NXPH1: variants seen among roughly 807,000 people sequenced by gnomAD.
NXPH1 encodes neurexophilin-1.
In NXPH1, 5 loss-of-function variants were observed where a neutral mutation model predicts 23.7. That is an observed-to-expected ratio of 0.21 (90% CI 0.11 to 0.44). The LOEUF is 0.44. Ranked by LOEUF, NXPH1 falls within the 20% of genes least tolerant of loss-of-function variation. The pLI, the probability that NXPH1 is intolerant of heterozygous loss-of-function variation, is 0.99. For synonymous variants in NXPH1, 144 were observed against 122.2 expected (o/e 1.18, Z -1.18); for missense variants, 324 against 321.6 (o/e 1.01, Z -0.06).
rs573670275 is a variant in NXPH1 at position 8,433,649 on chromosome 7, C to T, written c.-1217C>T. On this transcript the variant is annotated 5_prime_UTR_variant, in exon 1 of 3. Transcript: ENST00000405863. This position sits in a 1 kb window ranked among gnomAD's most constrained non-coding sequence, Gnocchi z 6.8. ...CTCGAGCTGAATGGCTGGCAGTCTG[C>T]GGCTCCCCCGCCTCCGGCCCGGCAG... Among the ~76,000 whole-genome samples the T allele has an allele frequency of 3.4e-3, 521 of 152,232 alleles. 1 individual carries two copies. The highest frequency in any genetic ancestry group is 5.0e-3 in the Non-Finnish European group (339 of 67,996).
At chr7:8,533,927 G>C (rs17150717) in intron 2 of NXPH1, among the ~76,000 whole-genome samples, 37,109 of 150,322 alleles carry the variant, frequency 0.25, 5,186 homozygotes, top group East Asian at 0.35. Context: ...GTTCACTGAC[G>C]TTGAAAATTA....
chr7:8,726,415 A>C (rs1046780640), intron 2 of NXPH1, among the ~76,000 whole-genome samples: 1 of 151,108 alleles, frequency 6.6e-6, no homozygotes, highest in East Asian at 1.9e-4. Context: ...TACATGTGCC[A>C]TGCTGGTGCG....
intron 2 of NXPH1, among the ~76,000 whole-genome samples, chr7:8,664,798 T>TC (rs1820734590): frequency 6.6e-6 from 1 of 152,156 alleles, no homozygotes; most frequent in South Asian, 2.1e-4. Flanking sequence ...CAGCATTTTT[T>TC]CATATACTTC....
At chr7:8,685,316 T>C (rs1219184168) in intron 2 of NXPH1, among the ~76,000 whole-genome samples, 3 of 151,934 alleles carry the variant, frequency 2.0e-5, no homozygotes, top group Non-Finnish European at 4.4e-5. Flanking sequence ...AATGTATCCT[T>C]TTGACTTTTA....
intron 2 of NXPH1, among the ~76,000 whole-genome samples, chr7:8,681,856 G>A (rs1375213348): frequency 6.6e-6 from 1 of 152,156 alleles, no homozygotes; most frequent in Non-Finnish European, 1.5e-5. Flanking sequence ...TCTACTATTG[G>A]GAGGTTGTAG....
At chr7:8,542,263 G>T (rs1818129728) in intron 2 of NXPH1, among the ~76,000 whole-genome samples, 1 of 151,478 alleles carries the variant, frequency 6.6e-6, no homozygotes. Context: ...AATAATTAAT[G>T]GGTAAATTCA....
chr7:8,596,343 A>C (rs981317141), intron 2 of NXPH1, among the ~76,000 whole-genome samples: 3 of 152,144 alleles, frequency 2.0e-5, no homozygotes, highest in African/African-American at 7.2e-5. Context: ...GAGTTTGGAA[A>C]GTGACAGAAT....
chr7:8,508,257 C>T (rs76989948), intron 2 of NXPH1, among the ~76,000 whole-genome samples: 132 of 152,186 alleles, frequency 8.7e-4, no homozygotes, highest in Non-Finnish European at 1.4e-3. Flanking sequence ...ACCCAACAGA[C>T]GGTCTAGACA....
intron 2 of NXPH1, among the ~76,000 whole-genome samples, chr7:8,558,800 C>T (rs1202865454): frequency 2.0e-5 from 3 of 151,640 alleles, no homozygotes; most frequent in African/African-American, 7.3e-5. Flanking sequence ...AACTGCCCAC[C>T]TTTCTTGCTT....
chr7:8,650,368 G>A (rs1393246250), intron 2 of NXPH1, among the ~76,000 whole-genome samples: 12 of 152,084 alleles, frequency 7.9e-5, no homozygotes, highest in Admixed American at 3.9e-4. Flanking sequence ...AATTAAACTA[G>A]CCTTTACCTT....
At chr7:8,538,626 C>T (rs1214568433) in intron 2 of NXPH1, among the ~76,000 whole-genome samples, 1 of 151,898 alleles carries the variant, frequency 6.6e-6, no homozygotes, top group Non-Finnish European at 1.5e-5. Flanking sequence ...TCTTAATTAT[C>T]AACTTTTCCC....
intron 2 of NXPH1, among the ~76,000 whole-genome samples, chr7:8,639,057 A>G (rs1335457772): frequency 6.6e-6 from 1 of 152,210 alleles, no homozygotes; most frequent in East Asian, 1.9e-4. Flanking sequence ...TTTTTGGCAT[A>G]GGGCAAGCAG....
intron 2 of NXPH1, among the ~76,000 whole-genome samples, chr7:8,599,553 T>C (rs1474544058): frequency 6.6e-6 from 1 of 152,174 alleles, no homozygotes; most frequent in Non-Finnish European, 1.5e-5. Context: ...TGCATTTTAA[T>C]TTAGGATTAC....
At chr7:8,468,242 C>A (rs934027981) in intron 2 of NXPH1, among the ~76,000 whole-genome samples, 2 of 151,946 alleles carry the variant, frequency 1.3e-5, no homozygotes, top group African/African-American at 4.8e-5. Context: ...TAAAGTCAGA[C>A]AAATGTCAGA....
chr7:8,656,400 G>C (rs992636145), intron 2 of NXPH1, among the ~76,000 whole-genome samples: 1 of 151,964 alleles, frequency 6.6e-6, no homozygotes, highest in African/African-American at 2.4e-5. Context: ...ACTTCTATTA[G>C]ACTGGGAGCA....
intron 2 of NXPH1, among the ~76,000 whole-genome samples, chr7:8,735,734 C>A (rs750874219): frequency 2.6e-5 from 4 of 152,068 alleles, no homozygotes; most frequent in Non-Finnish European, 4.4e-5. Flanking sequence ...CTTTGTACCT[C>A]GGTAGAATGC....
intron 2 of NXPH1, among the ~76,000 whole-genome samples, chr7:8,627,020 C>G (rs1820006508): frequency 6.6e-6 from 1 of 152,076 alleles, no homozygotes. Flanking sequence ...ATGCCCCCAC[C>G]TTGTTTATAT....
intron 2 of NXPH1, among the ~76,000 whole-genome samples, chr7:8,640,910 C>G (rs895599116): frequency 6.6e-6 from 1 of 152,064 alleles, no homozygotes; most frequent in Non-Finnish European, 1.5e-5. Context: ...GCTGTCATCA[C>G]ACCACTGCAC....
intron 2 of NXPH1, among the ~76,000 whole-genome samples, chr7:8,734,253 A>G (rs1312624885): frequency 6.6e-6 from 1 of 152,134 alleles, no homozygotes; most frequent in Non-Finnish European, 1.5e-5. Context: ...TGGTACCACT[A>G]CCATGCTGTT....
Sources: gnomAD v4.1 joint callset for allele counts (sites outside exome capture counted in the v4.1 genomes callset) on GRCh38, gnomAD v4.1.1 for gene constraint, Gnocchi (gnomAD v3.1) non-coding constraint, MANE v1.5 for transcripts, NCBI Gene and HGNC (gene_info 2026-07-23, HGNC 2026-07-21) for gene names.